ENPP2: variants seen among roughly 807,000 people sequenced by gnomAD.
The protein encoded by ENPP2 is ectonucleotide pyrophosphatase/phosphodiesterase 2.
In ENPP2, 51 loss-of-function variants were observed where a neutral mutation model predicts 120.2. The observed-to-expected ratio is 0.42, with a 90% CI of 0.34 to 0.54. The LOEUF is 0.54. ENPP2 is among the 20% of genes least tolerant of loss of function. The pLI is 0.04. For missense variants in ENPP2, 920 were observed against 1,066.5 expected, an observed-to-expected ratio of 0.86 and a Z score of 1.91; for synonymous variants, 365 against 366.4, an observed-to-expected ratio of 1.00 and a Z score of 0.04.
chr8:119,586,111 G>T, intron 15 of ENPP2, 75 bp downstream of exon 15: 2 of 1,472,228 alleles, frequency 1.4e-6, no homozygotes, highest in Non-Finnish European at 1.9e-6. Flanking sequence ...GATGACTAAG[G>T]ATGATAAAAT....
chr8:119,604,585 G>A, intron 9 of ENPP2, among the ~76,000 whole-genome samples: 2 of 15,324 alleles, frequency 1.3e-4, no homozygotes, highest in Admixed American at 7.4e-4. Context: ...ATTAGAAATG[G>A]TCAAAAAAAA....
At chr8:119,672,026 G>A (rs944992567) in intron 1 of ENPP2, among the ~76,000 whole-genome samples, 1 of 152,162 alleles carries the variant, frequency 6.6e-6, no homozygotes, top group Non-Finnish European at 1.5e-5. Flanking sequence ...AGTTGAAAAT[G>A]CTCTATGGTT....
At chr8:119,660,533 A>T (rs1008592379) in intron 1 of ENPP2, among the ~76,000 whole-genome samples, 22 of 152,226 alleles carry the variant, frequency 1.4e-4, no homozygotes, top group African/African-American at 5.3e-4. Context: ...AATTTAGGAC[A>T]AAGGTAACAA....
intron 11 of ENPP2, among the ~76,000 whole-genome samples, chr8:119,598,092 G>C (rs1037906221): frequency 1.3e-5 from 2 of 152,162 alleles, no homozygotes; most frequent in Non-Finnish European, 2.9e-5. Flanking sequence ...GGATACACAG[G>C]TGTATAAACC....
chr8:119,575,995 T>C (rs1188198463), intron 19 of ENPP2, among the ~76,000 whole-genome samples: 1 of 152,138 alleles, frequency 6.6e-6, no homozygotes, highest in Non-Finnish European at 1.5e-5. Flanking sequence ...TCTCCTTCTT[T>C]CTCTAGAACA....
intron 1 of ENPP2, among the ~76,000 whole-genome samples, chr8:119,665,794 T>A (rs954978434): frequency 6.6e-6 from 1 of 152,210 alleles, no homozygotes; most frequent in African/African-American, 2.4e-5. Flanking sequence ...AACTCATGCT[T>A]TCTTAGTGAC....
chr8:119,611,787 A>T (rs1815127736), intron 8 of ENPP2, among the ~76,000 whole-genome samples: 1 of 152,154 alleles, frequency 6.6e-6, no homozygotes, highest in Non-Finnish European at 1.5e-5. Context: ...GCACTTTGGG[A>T]GGCCAAGGCA....
intron 2 of ENPP2, among the ~76,000 whole-genome samples, chr8:119,634,071 T>G (rs1816847550): frequency 1.3e-5 from 2 of 151,968 alleles, no homozygotes; most frequent in African/African-American, 4.8e-5. Flanking sequence ...TAATCTCAGC[T>G]ACTCGGGAGG....
At chr8:119,585,920 TG>T (rs1813073561) in intron 15 of ENPP2, among the ~76,000 whole-genome samples, 1 of 128,784 alleles carries the variant, frequency 7.8e-6, no homozygotes, top group African/African-American at 3.2e-5. Flanking sequence ...ATTCAAAGGA[TG>T]AAAGAGACAC....
At chr8:119,629,091 T>C (rs922013012) in intron 2 of ENPP2, among the ~76,000 whole-genome samples, 2 of 152,176 alleles carry the variant, frequency 1.3e-5, no homozygotes, top group Non-Finnish European at 2.9e-5. Context: ...AAATATATAC[T>C]GTATAATATA....
At chr8:119,657,452 C>T (rs1396815805) in intron 1 of ENPP2, among the ~76,000 whole-genome samples, 5 of 152,142 alleles carry the variant, frequency 3.3e-5, no homozygotes, top group Admixed American at 6.5e-5. Context: ...CATCATCTCC[C>T]GAAAGTTCTA....
chr8:119,650,701 C>T (rs757201765), intron 1 of ENPP2, among the ~76,000 whole-genome samples: 2 of 152,130 alleles, frequency 1.3e-5, no homozygotes, highest in Non-Finnish European at 2.9e-5. Context: ...CTGCTCTTAA[C>T]GAGCCCCTGT....
upstream of ENPP2, among the ~76,000 whole-genome samples, chr8:119,642,368 G>T (rs1254179996): frequency 2.0e-5 from 3 of 151,798 alleles, no homozygotes; most frequent in Non-Finnish European, 4.4e-5. Context: ...GGGAAACATT[G>T]TTCTCTTCAT....
intron 1 of ENPP2, chr8:119,673,124 A>G: frequency 1.3e-6 from 1 of 760,460 alleles, no homozygotes. Flanking sequence ...ACGGGAACAC[A>G]GCCCAACAGG....
intron 8 of ENPP2, among the ~76,000 whole-genome samples, chr8:119,610,043 G>A (rs1261773396): frequency 6.6e-6 from 1 of 152,142 alleles, no homozygotes; most frequent in Non-Finnish European, 1.5e-5. Flanking sequence ...CAAAAGGAAG[G>A]AGCACACAGA....
chr8:119,639,595 T>C (rs1211794996), upstream of ENPP2, among the ~76,000 whole-genome samples: 3 of 149,636 alleles, frequency 2.0e-5, no homozygotes, highest in Non-Finnish European at 4.4e-5. Context: ...ACTGTCAGCT[T>C]GTTTCGGGCG....
chr8:119,596,078 C>T, intron 11 of ENPP2: 1 of 1,391,882 alleles, frequency 7.2e-7, no homozygotes, highest in Non-Finnish European at 1.0e-6. Flanking sequence ...TTACACTTTC[C>T]CATCTGGGAT....
At chr8:119,598,458 G>A (rs946529759) in intron 11 of ENPP2, among the ~76,000 whole-genome samples, 8 of 151,938 alleles carry the variant, frequency 5.3e-5, no homozygotes, top group African/African-American at 1.9e-4. Context: ...AGCAACCCTG[G>A]GCATAGAAAA....
intron 2 of ENPP2, among the ~76,000 whole-genome samples, chr8:119,630,287 T>C (rs762781687): frequency 6.6e-6 from 1 of 152,130 alleles, no homozygotes; most frequent in Admixed American, 6.5e-5. Context: ...TTCGTATTTT[T>C]AGTAGAGACA....
Sources: gnomAD v4.1 joint callset for allele counts (sites outside exome capture counted in the v4.1 genomes callset) on GRCh38, gnomAD v4.1.1 for gene constraint, MANE v1.5 for transcripts, NCBI Gene and HGNC (gene_info 2026-07-23, HGNC 2026-07-21) for gene names.